RORA: variants seen among roughly 807,000 people sequenced by gnomAD.
The protein encoded by RORA is RAR related orphan receptor A.
RORA carries 7 observed loss-of-function variants against 69.5 expected under a neutral mutation model. The ratio of observed to expected loss-of-function variants is 0.10; its 90% CI spans 0.06 to 0.19. The LOEUF is 0.19. Ranked by LOEUF, RORA falls within the 10% of genes least tolerant of loss-of-function variation. RORA has a pLI of 1.00. For synonymous variants in RORA, 261 were observed against 240.8 expected (o/e 1.08, Z -0.78); for missense variants, 457 against 663.0 (o/e 0.69, Z 3.41).
At chr15:61,089,822 C>T (rs2078678859) in intron 1 of RORA, among the ~76,000 whole-genome samples, 1 of 152,186 alleles carries the variant, frequency 6.6e-6, no homozygotes, top group South Asian at 2.1e-4. Flanking sequence ...AAGCAGCAGG[C>T]TCCAAGGATG....
At chr15:60,819,761 A>ACACACACACACACACACACACGCG (rs2072866004) in intron 1 of RORA, among the ~76,000 whole-genome samples, 1 of 138,034 alleles carries the variant, frequency 7.2e-6, no homozygotes, top group East Asian at 2.0e-4. Flanking sequence ...ACACACACAC[A>ACACACACACACACACACACACGCG]CACACACACA....
At chr15:61,156,660 G>A (rs1304518129) in intron 1 of RORA, among the ~76,000 whole-genome samples, 2 of 151,962 alleles carry the variant, frequency 1.3e-5, no homozygotes, top group African/African-American at 4.8e-5. Flanking sequence ...CATCCTTTAG[G>A]GTATAAAGAT....
chr15:60,569,115 T>C (rs1008639421), intron 2 of RORA, among the ~76,000 whole-genome samples: 7 of 152,030 alleles, frequency 4.6e-5, no homozygotes, highest in African/African-American at 1.7e-4. Flanking sequence ...ATATAGAAAA[T>C]TGGTTGAATT....
intron 2 of RORA, among the ~76,000 whole-genome samples, chr15:60,567,391 T>TATC (rs1354888307): frequency 2.7e-5 from 4 of 150,288 alleles, no homozygotes; most frequent in Non-Finnish European, 5.9e-5. Flanking sequence ...CCTCTTTTAT[T>TATC]ATCATTATTA....
chr15:60,940,309 C>T (rs373736314), intron 1 of RORA, among the ~76,000 whole-genome samples: 8 of 152,148 alleles, frequency 5.3e-5, no homozygotes, highest in South Asian at 4.2e-4. Context: ...TACGTCCATA[C>T]GATGGAATAC....
chr15:60,832,690 G>A (rs2073057631), intron 1 of RORA, among the ~76,000 whole-genome samples: 2 of 152,084 alleles, frequency 1.3e-5, no homozygotes, highest in South Asian at 2.1e-4. Context: ...GTGGAGAGTC[G>A]ATTCATCAAA....
chr15:60,577,324 G>C (rs1280740734), intron 2 of RORA, among the ~76,000 whole-genome samples: 1 of 152,084 alleles, frequency 6.6e-6, no homozygotes, highest in Non-Finnish European at 1.5e-5. Context: ...AAACTTTTTG[G>C]TCTCTGTATA....
intron 1 of RORA, among the ~76,000 whole-genome samples, chr15:60,727,175 T>A (rs539749484): frequency 1.3e-5 from 2 of 152,202 alleles, no homozygotes; most frequent in African/African-American, 4.8e-5. Context: ...ATTGCTTTCA[T>A]TTTTTGTTGT....
At chr15:60,557,483 A>G (rs1290095584) in intron 2 of RORA, among the ~76,000 whole-genome samples, 2 of 152,242 alleles carry the variant, frequency 1.3e-5, no homozygotes, top group African/African-American at 4.8e-5. Flanking sequence ...ACTATTATGT[A>G]ATGAGATACA....
intron 1 of RORA, among the ~76,000 whole-genome samples, chr15:60,699,012 G>A (rs965051458): frequency 2.6e-5 from 4 of 151,916 alleles, no homozygotes; most frequent in Non-Finnish European, 4.4e-5. Context: ...CTTCTGTATA[G>A]TTAATCATAT....
intron 1 of RORA, among the ~76,000 whole-genome samples, chr15:61,137,329 T>C (rs964529838): frequency 1.3e-5 from 2 of 152,186 alleles, no homozygotes; most frequent in African/African-American, 4.8e-5. Flanking sequence ...CAGTTATAGC[T>C]CTAACTTTCA....
chr15:60,498,113 A>G (rs1263080355), intron 10 of RORA, among the ~76,000 whole-genome samples: 3 of 152,148 alleles, frequency 2.0e-5, no homozygotes, highest in Non-Finnish European at 2.9e-5. Context: ...AATGCCAAGT[A>G]TACATTAAAT....
At chr15:60,812,495 C>T (rs1472898705) in intron 1 of RORA, among the ~76,000 whole-genome samples, 1 of 152,096 alleles carries the variant, frequency 6.6e-6, no homozygotes, top group Admixed American at 6.6e-5. Context: ...GGGCAACAGA[C>T]TGAGGCCCTG....
intron 1 of RORA, among the ~76,000 whole-genome samples, chr15:61,029,202 C>A (rs1896005615): frequency 6.6e-6 from 1 of 151,750 alleles, no homozygotes; most frequent in Non-Finnish European, 1.5e-5. Context: ...AATTATATCC[C>A]AATAAATCTA....
At chr15:60,674,264 G>A (rs2070519422) in intron 2 of RORA, among the ~76,000 whole-genome samples, 1 of 152,124 alleles carries the variant, frequency 6.6e-6, no homozygotes, top group South Asian at 2.1e-4. Flanking sequence ...GTTGCTAAGA[G>A]TCTACAATAA....
chr15:60,931,736 T>A (rs1035598125), intron 1 of RORA, among the ~76,000 whole-genome samples: 1 of 152,224 alleles, frequency 6.6e-6, no homozygotes, highest in Non-Finnish European at 1.5e-5. Context: ...CAGGAAGAGA[T>A]GGGACATGGT....
chr15:60,616,465 T>TG (rs2140605152), intron 2 of RORA, among the ~76,000 whole-genome samples: 1 of 152,322 alleles, frequency 6.6e-6, no homozygotes, highest in East Asian at 1.9e-4. Context: ...TGTTTGTTGT[T>TG]TTACTGGTAT....
chr15:60,704,713 C>T (rs1016902594), intron 1 of RORA, among the ~76,000 whole-genome samples: 3 of 152,116 alleles, frequency 2.0e-5, no homozygotes, highest in South Asian at 2.1e-4. Context: ...CTAGGTCGGA[C>T]GGGCACTGAT....
intron 2 of RORA, among the ~76,000 whole-genome samples, chr15:60,583,826 A>G (rs1298353472): frequency 2.6e-5 from 4 of 152,204 alleles, no homozygotes; most frequent in African/African-American, 9.7e-5. Flanking sequence ...TTACCTTAAT[A>G]TAATTTACCT....
Sources: gnomAD v4.1 joint callset for allele counts (sites outside exome capture counted in the v4.1 genomes callset) on GRCh38, gnomAD v4.1.1 for gene constraint, MANE v1.5 for transcripts, NCBI Gene and HGNC (gene_info 2026-07-23, HGNC 2026-07-21) for gene names.